KNDC1: variants seen among roughly 807,000 people sequenced by gnomAD.
KNDC1 encodes kinase non-catalytic C-lobe domain containing 1.
Under a neutral mutation model 172.8 loss-of-function variants are expected in KNDC1, and 106 were observed. The observed-to-expected ratio is 0.61, with a 90% CI of 0.52 to 0.72. The LOEUF (loss-of-function observed/expected upper bound fraction) is 0.72, where lower values mean the gene tolerates loss of function less well. KNDC1 is among the 30% of genes least tolerant of loss of function. The pLI is 0.00. For synonymous variants in KNDC1, 1,083 were observed against 1,062.2 expected, an observed-to-expected ratio of 1.02 and a Z score of -0.38; for missense variants, 2,325 against 2,394.5, an observed-to-expected ratio of 0.97 and a Z score of 0.61.
At position 133,210,730 on chromosome 10, in the gene KNDC1, AAGCTCCAC is replaced by A; in HGVS notation, c.3908+15_3908+22del. On this transcript the variant is annotated splice_region_variant and intron_variant, in intron 21 of 29. Transcript: ENST00000304613. ...ATCAACAGCACGCTGACCAGGTACC[AAGCTCCAC>A]AGCTCCACGCCCGCCAGAGCTTCCC... is the stretch of plus-strand genomic sequence containing the variant. The A allele has an allele frequency of 6.2e-7, 1 of 1,603,880 alleles. No homozygotes were observed. Among genetic ancestry groups the A allele is most frequent in the Non-Finnish European group, 8.5e-7 (1 of 1,170,682 alleles).
chr10:133,187,187 G>A lies in KNDC1; in HGVS notation c.1326+513G>A, dbSNP rs571072690. 4.6e-5 allele frequency among the ~76,000 whole-genome samples: 7 copies of A among 152,366 alleles called. No individual in the cohort carries two copies. The South Asian group carries it at 6.2e-4, about 14-fold the overall frequency. ...CCACCTCCGCTGCCTCCGCGGGGAC[G>A]CTGGGATCTGGTGCGGCTGCCCGGA... is the stretch of plus-strand genomic sequence containing the variant. On this transcript the variant is annotated intron_variant, in intron 6 of 29. Coordinates refer to ENST00000304613, the MANE Select transcript of KNDC1 (RefSeq NM_152643.8).
In KNDC1 at chr10:133,183,935, C is replaced by T; in HGVS notation, c.571C>T (p.Leu191Phe). 1.2e-6 allele frequency: 2 copies of T among 1,604,416 alleles called. No individual in the cohort carries two copies. The highest frequency in any genetic ancestry group is 1.7e-6 in the Non-Finnish European group (2 of 1,172,758). The change falls in exon 5 of 30, where the codon CTC becomes TTC. Residue 191 changes from leucine to phenylalanine, a missense_variant. By Grantham distance (22) the Leu-to-Phe change is conservative (BLOSUM62 0). Coordinates refer to ENST00000304613, the MANE Select transcript of KNDC1 (RefSeq NM_152643.8). Reference sequence around the variant, plus strand: ...ATCCTCCTGTCGCGTGTGCCGGAGCCTCTCTGCTGTGGGGAGGAGGGTCCT... The same window carrying T: ...ATCCTCCTGTCGCGTGTGCCGGAGCTTCTCTGCTGTGGGGAGGAGGGTCCT... ...LTSSCRVCRSLSAVGRRVLSI... is the reference protein window; with the variant it reads ...LTSSCRVCRSFSAVGRRVLSI...
At position 133,163,726 on chromosome 10, in the gene KNDC1, G is replaced by T. The variant is rs1457229753; in HGVS notation, c.102+3157G>T. On this transcript the variant is annotated intron_variant, in intron 1 of 29. Transcript: ENST00000304613. The surrounding 1 kb of genome is among the most constrained non-coding windows in gnomAD (Gnocchi z 4.4). ...GCCTGGCAGTGTGGCGGGGGGTGTG[G>T]GAGCTTTCTGAATGCACAGGGCCCC... Among the ~76,000 whole-genome samples the T allele has an allele frequency of 6.6e-6, 1 of 152,082 alleles. No homozygotes were observed. The highest frequency in any genetic ancestry group is 1.5e-5 in the Non-Finnish European group (1 of 67,990).
At chr10:133,196,726 C>T (rs1368946393) in intron 10 of KNDC1, among the ~76,000 whole-genome samples, 3 of 152,118 alleles carry the variant, frequency 2.0e-5, no homozygotes, top group Non-Finnish European at 4.4e-5. Context: ...AAAGGGAGGA[C>T]AGGAGTGGCC....
intron 26 of KNDC1, among the ~76,000 whole-genome samples, chr10:133,218,081 C>T (rs1371392829): frequency 2.0e-5 from 3 of 150,448 alleles, no homozygotes; most frequent in Non-Finnish European, 4.4e-5. Context: ...AAAAAAGAGT[C>T]GATCCGGGGC....
chr10:133,206,563 G>A (rs1845199536), intron 17 of KNDC1, 122 bp from the exon 18 acceptor site: 1 of 822,104 alleles, frequency 1.2e-6, no homozygotes, highest in South Asian at 1.5e-5. Context: ...TGTCTCCATG[G>A]GACCCTGCCC....
chr10:133,197,554 C>G (rs960848884), intron 11 of KNDC1, 121 bp from the exon 12 acceptor site: 3 of 783,040 alleles, frequency 3.8e-6, no homozygotes, highest in South Asian at 1.5e-5. Flanking sequence ...CCGCCATGCC[C>G]GGCTCCTCCC....
rs1854376934 is a variant in KNDC1 at position 133,201,765 on chromosome 10, G to C, written c.3254G>C (p.Gly1085Ala). The change falls in exon 17 of 30, where the codon GGA becomes GCA. Residue 1085 changes from glycine to alanine, a missense_variant. Coordinates refer to ENST00000304613, the MANE Select transcript of KNDC1 (RefSeq NM_152643.8). ...CCAGCCTTGTCCCCCGGCCCAGCCG[G>C]ATTCCAGAGCTGCAGCCCCGGCTGG... ...VGPALSPGPA[G>A]FQSCSPGWCS... The C allele has an allele frequency of 6.4e-7, 1 of 1,561,284 alleles. No homozygotes were observed. The highest frequency in any genetic ancestry group is 8.7e-7 in the Non-Finnish European group (1 of 1,155,450).
chr10:133,183,856 G>T lies in KNDC1; in HGVS notation c.508-16G>T. 1 of 1,552,540 alleles carries T rather than the reference G, an allele frequency of 6.4e-7. No homozygotes were observed. The highest frequency in any genetic ancestry group is 8.8e-7 in the Non-Finnish European group (1 of 1,139,998). On this transcript the variant is annotated splice_polypyrimidine_tract_variant and intron_variant, in intron 4 of 29. Coordinates refer to ENST00000304613, the MANE Select transcript of KNDC1 (RefSeq NM_152643.8). ...CCTCCTCCGAGCCTTCCTGTCTGAG[G>T]TGTTCCCGTCCCCAGAGCATCATCG...
At position 133,183,380 on chromosome 10, in the gene KNDC1, G is replaced by A. The variant is rs764348071; in HGVS notation, c.397G>A (p.Ala133Thr). 9 of 1,596,234 alleles carry A rather than the reference G, an allele frequency of 5.6e-6. No individual in the cohort carries two copies. In the East Asian group the frequency reaches 6.8e-5, roughly 12 times the overall value. ...CTCTCTGGGGGCCACGCTGAAGGCC[G>A]CCCTCGAGTACGTGGCAGAGCCCAC... Reference protein sequence around the residue: ...IYSLGATLKAALEYVAEPTLE... With the variant: ...IYSLGATLKATLEYVAEPTLE... The change falls in exon 4 of 30, where the codon GCC becomes ACC. Residue 133 changes from alanine (A) to threonine (T), a missense_variant. Coordinates refer to ENST00000304613, the MANE Select transcript of KNDC1 (RefSeq NM_152643.8).
At position 133,212,679 on chromosome 10, in the gene KNDC1, G is replaced by A. The variant is rs756479553; in HGVS notation, c.4237-37G>A. On this transcript the variant is annotated intron_variant, in intron 23 of 29. Coordinates refer to ENST00000304613, the MANE Select transcript of KNDC1 (RefSeq NM_152643.8). The stretch of plus-strand genomic sequence containing the variant: ...TGGACCCCTGACCCAGAGGGGACAC[G>A]GAGCTTAGGCCCCTCAGTGCCCGGC... 3.0e-5 allele frequency: 47 copies of A among 1,581,140 alleles called. No homozygotes were observed. In the Middle Eastern group the frequency reaches 1.1e-3, roughly 36 times the overall value.
At chr10:133,185,852 G>GGA (rs1853884240) in intron 5 of KNDC1, 122 bp from the exon 6 acceptor site, 1 of 317,088 alleles carries the variant, frequency 3.2e-6, no homozygotes, top group Non-Finnish European at 5.5e-6. Context: ...GGGAGGGGAG[G>GGA]GGAGAGGTGG....
intron 7 of KNDC1, among the ~76,000 whole-genome samples, chr10:133,189,067 G>A (rs1000480869): frequency 6.6e-6 from 1 of 152,212 alleles, no homozygotes; most frequent in Non-Finnish European, 1.5e-5. Flanking sequence ...GCTTTGGAGT[G>A]GGGAGGGAAT....
chr10:133,199,734 G>T (rs1375876047), intron 15 of KNDC1, 132 bp downstream of exon 15: 2 of 1,058,812 alleles, frequency 1.9e-6, no homozygotes, highest in Non-Finnish European at 2.7e-6. Flanking sequence ...CTCCAGAGGG[G>T]CTACCCTTGG....
chr10:133,212,658 C>A, intron 23 of KNDC1, 58 bp from the exon 24 acceptor site: 1 of 1,492,458 alleles, frequency 6.7e-7, no homozygotes, highest in Non-Finnish European at 9.2e-7. Context: ...CCTCCCTGGA[C>A]CCCTGACCCA....
chr10:133,193,549 G>A (rs1216954359), intron 9 of KNDC1, among the ~76,000 whole-genome samples: 7 of 147,620 alleles, frequency 4.7e-5, no homozygotes, highest in African/African-American at 7.3e-5. Flanking sequence ...GGAGGAAGAA[G>A]GAAGAAAGAA....
chr10:133,165,530 A>T (rs1853122448), intron 1 of KNDC1, among the ~76,000 whole-genome samples: 1 of 152,242 alleles, frequency 6.6e-6, no homozygotes, highest in East Asian at 1.9e-4. Context: ...CCTTCCTCCT[A>T]AGCAGCACAA....
chr10:133,169,113 C>A (rs1345538214), intron 3 of KNDC1, among the ~76,000 whole-genome samples: 1 of 152,216 alleles, frequency 6.6e-6, no homozygotes, highest in Admixed American at 6.5e-5. Flanking sequence ...ACTCAAAGAT[C>A]TTCCCAATAA....
Position 133,199,489 on chromosome 10 carries a change from C to G in KNDC1, c.2790C>G (p.Thr930=), listed in dbSNP as rs1854301502. Residue 930 remains threonine, a synonymous_variant, in exon 15 of 30, where the codon ACC becomes ACG. Transcript: ENST00000304613. ...GEYIFALKDL[T]FATFCGAISE... ...ACATCTTCGCCTTGAAAGATCTCAC[C>G]TTTGCCACTTTCTGTGGCGCCATTT... 1.9e-6 allele frequency: 3 copies of G among 1,613,780 alleles called. No individual in the cohort carries two copies. Among genetic ancestry groups the G allele is most frequent in the African/African-American group, 2.7e-5 (2 of 74,952 alleles).
Sources: gnomAD v4.1 joint callset for allele counts (sites outside exome capture counted in the v4.1 genomes callset) on GRCh38, gnomAD v4.1.1 for gene constraint, Gnocchi (gnomAD v3.1) non-coding constraint, MANE v1.5 for transcripts, NCBI Gene and HGNC (gene_info 2026-07-23, HGNC 2026-07-21) for gene names.